The following MAP2 variants were observed in gnomAD, a reference collection of about 807,000 sequenced individuals.
The protein encoded by MAP2 is microtubule-associated protein 2.
A neutral mutation model predicts 137.6 loss-of-function variants in MAP2; 14 were observed. That is an observed-to-expected ratio of 0.10 (90% CI 0.07 to 0.16). MAP2 has a LOEUF of 0.16. MAP2 is among the 10% of genes least tolerant of loss of function. The pLI, the probability that MAP2 is intolerant of heterozygous loss-of-function variation, is 1.00. For missense variants in MAP2, 2,088 were observed against 2,191.5 expected, an observed-to-expected ratio of 0.95 and a Z score of 0.94; for synonymous variants, 786 against 782.3, an observed-to-expected ratio of 1.00 and a Z score of -0.08.
At chr2:209,644,505 T>A (rs2094272753) in intron 4 of MAP2, among the ~76,000 whole-genome samples, 2 of 152,052 alleles carry the variant, frequency 1.3e-5, no homozygotes, top group Admixed American at 1.3e-4. Context: ...TGGCCAAACA[T>A]CCACAGCAGG....
intron 4 of MAP2, among the ~76,000 whole-genome samples, chr2:209,627,568 C>T (rs767171727): frequency 7.2e-5 from 11 of 152,132 alleles, no homozygotes; most frequent in Admixed American, 2.0e-4. Flanking sequence ...GCAGAGCCTG[C>T]ATTCAAACTC....
intron 2 of MAP2, among the ~76,000 whole-genome samples, chr2:209,544,600 G>A (rs975416630): frequency 3.9e-5 from 6 of 152,148 alleles, no homozygotes; most frequent in African/African-American, 4.8e-5. Flanking sequence ...CGATGAAGCC[G>A]CATCTCTCTT....
intron 1 of MAP2, among the ~76,000 whole-genome samples, chr2:209,468,859 G>A (rs1575543368): frequency 6.6e-6 from 1 of 152,146 alleles, no homozygotes; most frequent in East Asian, 1.9e-4. Context: ...AGGAGGCAGA[G>A]GCACAGGGCA....
intron 11 of MAP2, 39 bp from the exon 12 acceptor site, chr2:209,705,541 T>C: frequency 6.6e-7 from 1 of 1,526,650 alleles, no homozygotes; most frequent in Non-Finnish European, 8.8e-7. Flanking sequence ...AATTAAAGAG[T>C]TACAAGAACC....
intron 1 of MAP2, among the ~76,000 whole-genome samples, chr2:209,463,852 A>G (rs183298337): frequency 2.1e-4 from 32 of 152,294 alleles, no homozygotes; most frequent in African/African-American, 6.5e-4. Context: ...GCCTGAGTCA[A>G]AGGAGAGACT....
rs200497849 is a variant in MAP2 at position 209,714,037 on chromosome 2, C to CAA, written c.5073+3792_5073+3793dup. On this transcript the variant is annotated intron_variant, in intron 13 of 15. Coordinates refer to ENST00000682079, the MANE Select transcript of MAP2 (RefSeq NM_001375505.1). The stretch of plus-strand genomic sequence containing the variant: ...TGAAACCCCGTCCCTACTAAAAGTA[C>CAA]AAAAAAAAAAGAAAATAGCCAGGCG... Among the ~76,000 whole-genome samples, 7 of 145,068 alleles carry CAA rather than the reference C, an allele frequency of 4.8e-5. No homozygotes were observed. The East Asian group carries it at 6.0e-4, about 12-fold the overall frequency.
At chr2:209,458,190 C>A (rs759558323) in intron 1 of MAP2, among the ~76,000 whole-genome samples, 2 of 152,002 alleles carry the variant, frequency 1.3e-5, no homozygotes, top group Non-Finnish European at 2.9e-5. Context: ...GGAGATTCCC[C>A]AGTGAGAAAC....
At chr2:209,704,331 T>G in intron 11 of MAP2, 1 of 754,568 alleles carries the variant, frequency 1.3e-6, no homozygotes, top group South Asian at 2.2e-5. Flanking sequence ...TAACCATTTA[T>G]CATGTGTTCT....
intron 4 of MAP2, among the ~76,000 whole-genome samples, chr2:209,628,657 A>G (rs896156739): frequency 1.3e-5 from 2 of 152,154 alleles, no homozygotes; most frequent in African/African-American, 2.4e-5. Flanking sequence ...GAATCCACCA[A>G]TGACTGCCTG....
intron 5 of MAP2, among the ~76,000 whole-genome samples, chr2:209,676,455 G>T (rs1017009666): frequency 6.6e-6 from 1 of 151,566 alleles, no homozygotes; most frequent in Admixed American, 6.6e-5. Flanking sequence ...TAATACCTGG[G>T]TGATAAAATA....
At chr2:209,459,632 A>G (rs1003516855) in intron 1 of MAP2, among the ~76,000 whole-genome samples, 43 of 152,186 alleles carry the variant, frequency 2.8e-4, no homozygotes, top group African/African-American at 9.9e-4. Flanking sequence ...CTAGCACTCT[A>G]TGAGACTCCC....
rs867898529 is a variant in MAP2 at position 209,730,376 on chromosome 2, A to G, written c.5463A>G (p.Ala1821=). 20 of 1,613,624 alleles carry G rather than the reference A, an allele frequency of 1.2e-5. No homozygotes were observed. In the Middle Eastern group the frequency reaches 1.8e-3, roughly 146 times the overall value. ...LATLAEDVTA[A]LAKQGL Reference sequence around the variant, plus strand: ...CTTTGGCTGAGGATGTCACTGCTGCACTCGCTAAGCAGGGCTTGTGAATAT... The same window carrying G: ...CTTTGGCTGAGGATGTCACTGCTGCGCTCGCTAAGCAGGGCTTGTGAATAT... Residue 1821 remains alanine (A), a synonymous_variant, in exon 16 of 16, where the codon GCA becomes GCG. Transcript: ENST00000682079.
chr2:209,542,821 T>C (rs139111539), intron 2 of MAP2, among the ~76,000 whole-genome samples: 1 of 152,230 alleles, frequency 6.6e-6, no homozygotes, highest in Admixed American at 6.5e-5. Context: ...AGGCTTTGGC[T>C]TAAGGGAATG....
intron 4 of MAP2, among the ~76,000 whole-genome samples, chr2:209,640,831 A>G (rs887321784): frequency 1.3e-5 from 2 of 151,524 alleles, no homozygotes; most frequent in Admixed American, 1.3e-4. Context: ...TCAAGCATCT[A>G]ATTTTTGAAT....
intron 14 of MAP2, among the ~76,000 whole-genome samples, chr2:209,726,528 G>A (rs542624765): frequency 6.6e-6 from 1 of 152,292 alleles, no homozygotes; most frequent in African/African-American, 2.4e-5. Context: ...GGAATCCAAG[G>A]CAGGAGGATT....
intron 1 of MAP2, among the ~76,000 whole-genome samples, chr2:209,429,311 A>G (rs983099744): frequency 6.6e-6 from 1 of 152,174 alleles, no homozygotes; most frequent in Non-Finnish European, 1.5e-5. Flanking sequence ...ATTTTTTTAA[A>G]TAAAAAATTT....
Position 209,692,684 on chromosome 2 carries a change from G to A in MAP2, c.514G>A (p.Ala172Thr), listed in dbSNP as rs1378451657. The change falls in exon 8 of 16, where the codon GCT (alanine) becomes ACT (threonine). Residue 172 changes from alanine (A) to threonine (T), a missense_variant. Around this residue, in one of 6 missense-constraint regions of MAP2, gnomAD observed 859 missense variants for 794.5 expected, o/e 1.08. Coordinates refer to ENST00000682079, the MANE Select transcript of MAP2 (RefSeq NM_001375505.1). ...HDQQELTPST[A>T]EPSDQKEKES... ...TCAACAGGAATTGACTCCCTCTACA[G>A]CTGAGCCTTCAGACCAGAAGGAAAA... 1 of 1,612,558 alleles carries A rather than the reference G, an allele frequency of 6.2e-7. No homozygotes were observed. Among genetic ancestry groups the A allele is most frequent in the Non-Finnish European group, 8.5e-7 (1 of 1,179,496 alleles).
chr2:209,601,420 C>T (rs1174018433), intron 3 of MAP2, among the ~76,000 whole-genome samples: 4 of 151,936 alleles, frequency 2.6e-5, no homozygotes, highest in Admixed American at 6.6e-5. Flanking sequence ...ACACTTTAGG[C>T]ATGTGAATTT....
chr2:209,584,281 AG>A (rs1475616630), intron 3 of MAP2, among the ~76,000 whole-genome samples: 3 of 152,068 alleles, frequency 2.0e-5, no homozygotes, highest in Non-Finnish European at 2.9e-5. Context: ...GAAGTATTCA[AG>A]GGGGAGACAA....
Sources: gnomAD v4.1 joint callset for allele counts (sites outside exome capture counted in the v4.1 genomes callset) on GRCh38, gnomAD v4.1.1 for gene constraint, gnomAD v4.1.1 regional missense constraint, MANE v1.5 for transcripts, NCBI Gene and HGNC (gene_info 2026-07-23, HGNC 2026-07-21) for gene names.